PRDM7: variants seen among roughly 807,000 people sequenced by gnomAD.
The protein encoded by PRDM7 is PR/SET domain 7, also known as histone-lysine N-methyltransferase PRDM7.
In PRDM7, 52 loss-of-function variants were observed where a neutral mutation model predicts 64.3. That is an observed-to-expected ratio of 0.81 (90% CI 0.65 to 1.02). PRDM7 has a LOEUF of 1.02. PRDM7 is among the 50% of genes least tolerant of loss of function. PRDM7 has a pLI of 0.00. For missense variants in PRDM7, 574 were observed against 597.1 expected (o/e 0.96, Z 0.40); for synonymous variants, 192 against 210.1 (o/e 0.91, Z 0.74).
chr16:90,063,818 C>G (rs1397849668), intron 5 of PRDM7, 50 bp from the exon 6 acceptor site: 2 of 1,597,480 alleles, frequency 1.3e-6, no homozygotes, highest in South Asian at 1.1e-5. Flanking sequence ...TTATTTAGTT[C>G]TTTACGGCTT....
intron 4 of PRDM7, among the ~76,000 whole-genome samples, chr16:90,068,867 C>G (rs1316061133): frequency 6.6e-6 from 1 of 151,124 alleles, no homozygotes; most frequent in Admixed American, 6.6e-5. Flanking sequence ...TTTAAGGAGA[C>G]ACAAATAGAT....
chr16:90,075,884 C>T lies in PRDM7; in HGVS notation c.27G>A (p.Glu9=). Reference sequence around the variant, plus strand: ...TTCTCTCTGTGTCTCCTTCTGGGCTCTCCTCTTGGGACCTTTCAGGGCTCA... The same window carrying T: ...TTCTCTCTGTGTCTCCTTCTGGGCTTTCCTCTTGGGACCTTTCAGGGCTCA... MSPERSQE[E]SPEGDTERTE... Residue 9 remains glutamate, a synonymous_variant, in exon 2 of 11, where the codon GAG becomes GAA. Coordinates refer to ENST00000449207, the MANE Select transcript of PRDM7 (RefSeq NM_001098173.2). The surrounding 1 kb of genome is among the most constrained non-coding windows in gnomAD (Gnocchi z 4.3). 1 of 1,614,074 alleles carries T rather than the reference C, an allele frequency of 6.2e-7. No individual in the cohort carries two copies. The highest frequency in any genetic ancestry group is 1.1e-5 in the South Asian group (1 of 91,046).
rs1033373292 is a variant in PRDM7, at chr16:90,062,425, C to T, written c.586G>A (p.Glu196Lys). Residue 196 changes from glutamate to lysine, a missense_variant, in exon 7 of 11, where the codon GAG becomes AAG. Glu to Lys is a moderately conservative substitution (Grantham distance 56). Transcript: ENST00000449207. The stretch of plus-strand genomic sequence containing the variant: ...CAGAGGTAGTCATCATCCTGTGGCT[C>T]GCTGATCTCTTTGTATGCATGACCC... ...RKGHAYKEIS[E>K]PQDDDYLYCE... is the part of the protein sequence containing the mutation. 1.5e-5 allele frequency: 24 copies of T among 1,613,974 alleles called. No homozygotes were observed. The highest frequency in any genetic ancestry group is 5.5e-5 in the South Asian group (5 of 91,084).
chr16:90,066,892 G>C lies in PRDM7; in HGVS notation c.320C>G (p.Ala107Gly). 1 of 1,599,486 alleles carries C rather than the reference G, an allele frequency of 6.3e-7. No homozygotes were observed. Among genetic ancestry groups the C allele is most frequent in the South Asian group, 1.1e-5 (1 of 90,914 alleles). Residue 107 changes from alanine (A) to glycine (G), a missense_variant, in exon 5 of 11, where the codon GCC becomes GGC. Transcript: ENST00000449207. ...PRQQVKPPWMAFRGEQSKHQK... is the reference protein window; with the variant it reads ...PRQQVKPPWMGFRGEQSKHQK... ...GTGTTTACTCTGTTCTCCTCTGAAG[G>C]CCATCCAAGGAGGTTTGACTAAGAG... is the stretch of plus-strand genomic sequence containing the variant.
chr16:90,062,551 G>T, intron 6 of PRDM7, 49 bp from the exon 7 acceptor site: 1 of 1,465,234 alleles, frequency 6.8e-7, no homozygotes, highest in Non-Finnish European at 9.6e-7. Flanking sequence ...TGGGGTGTTT[G>T]TCCTTGTTTC....
At chr16:90,061,810 G>C in intron 8 of PRDM7, 111 bp downstream of exon 8, 1 of 1,515,206 alleles carries the variant, frequency 6.6e-7, no homozygotes. Context: ...AGTACACAGA[G>C]CTAACCATGT....
intron 4 of PRDM7, among the ~76,000 whole-genome samples, chr16:90,070,942 C>G (rs2037947446): frequency 6.6e-6 from 1 of 152,156 alleles, no homozygotes; most frequent in African/African-American, 2.4e-5. Flanking sequence ...CATCACTAAT[C>G]ATTAGGGAAA....
At chr16:90,072,119 T>C (rs185896099) in intron 4 of PRDM7, among the ~76,000 whole-genome samples, 1 of 151,764 alleles carries the variant, frequency 6.6e-6, no homozygotes. Context: ...TAGTCCCAGC[T>C]ACTTGGGATG....
At chr16:90,065,485 A>G (rs2037859143) in intron 5 of PRDM7, among the ~76,000 whole-genome samples, 1 of 151,038 alleles carries the variant, frequency 6.6e-6, no homozygotes, top group South Asian at 2.1e-4. Context: ...CTGTAATCCC[A>G]GCACTTTGGG....
At chr16:90,062,575 A>G in intron 6 of PRDM7, 73 bp from the exon 7 acceptor site, 2 of 1,273,250 alleles carry the variant, frequency 1.6e-6, no homozygotes, top group South Asian at 2.4e-5. Flanking sequence ...AGAAAATGTG[A>G]AATCTCCTAC....
chr16:90,066,772 C>G, intron 5 of PRDM7, 89 bp downstream of exon 5: 1 of 1,225,596 alleles, frequency 8.2e-7, no homozygotes, highest in Non-Finnish European at 1.2e-6. Context: ...GGCAGTAGTT[C>G]CTAGGATAGT....
At chr16:90,063,135 T>A (rs2037810329) in intron 6 of PRDM7, among the ~76,000 whole-genome samples, 2 of 152,162 alleles carry the variant, frequency 1.3e-5, no homozygotes, top group South Asian at 4.1e-4. Context: ...AAGTTAATGA[T>A]CTTACATGCT....
In PRDM7 at chr16:90,057,842, T is replaced by A; in HGVS notation, c.*447A>T. On this transcript the variant is annotated 3_prime_UTR_variant, in exon 11 of 11. Coordinates refer to ENST00000449207, the MANE Select transcript of PRDM7 (RefSeq NM_001098173.2). ...TAAGGTTTTATTACTAATGACTTAC[T>A]CATCCTTCCTGCAGACTGGGGCGTC... is the stretch of plus-strand genomic sequence containing the variant. 6.7e-7 allele frequency: 1 copy of A among 1,496,396 alleles called. No homozygotes were observed. 92.7% of individuals were successfully genotyped at this position (1,496,396 alleles called of 1,614,324 possible).
At position 90,057,519 on chromosome 16, in the gene PRDM7, G is replaced by A. The variant is rs2037703544; in HGVS notation, c.*770C>T. Reference sequence around the variant, plus strand: ...TAAGGGAAGAATGAGGTACACACTTGGGGTTCAGATATGTATGGAGACAAA... The same window carrying A: ...TAAGGGAAGAATGAGGTACACACTTAGGGTTCAGATATGTATGGAGACAAA... On this transcript the variant is annotated 3_prime_UTR_variant, in exon 11 of 11. Coordinates refer to ENST00000449207, the MANE Select transcript of PRDM7 (RefSeq NM_001098173.2). 1 of 234,332 alleles carries A rather than the reference G, an allele frequency of 4.3e-6. No individual in the cohort carries two copies. Among genetic ancestry groups the A allele is most frequent in the Non-Finnish European group, 8.2e-6 (1 of 122,126 alleles). 14.5% of individuals were successfully genotyped at this position (234,332 alleles called of 1,614,324 possible).
chr16:90,061,851 G>T, intron 8 of PRDM7, 70 bp downstream of exon 8: 4 of 1,598,066 alleles, frequency 2.5e-6, no homozygotes, highest in Middle Eastern at 1.7e-4. Flanking sequence ...CATGTAGAAG[G>T]TGATGTCCCA....
chr16:90,065,435 A>C (rs2037858188), intron 5 of PRDM7, among the ~76,000 whole-genome samples: 1 of 147,174 alleles, frequency 6.8e-6, no homozygotes, highest in South Asian at 2.1e-4. Context: ...AGAAAAGAAA[A>C]AAATAATTTT....
intron 7 of PRDM7, 47 bp from the exon 8 acceptor site, chr16:90,062,239 C>T: frequency 6.2e-7 from 1 of 1,614,182 alleles, no homozygotes. Flanking sequence ...ATGCATGTTC[C>T]TTGATATAAG....
chr16:90,062,266 T>A (rs745669060), intron 7 of PRDM7, 74 bp from the exon 8 acceptor site: 170 of 1,613,926 alleles, frequency 1.1e-4, no homozygotes, highest in Admixed American at 1.8e-4. Flanking sequence ...AGAAAGAGCG[T>A]GGCACTCACA....
At position 90,058,205 on chromosome 16, in the gene PRDM7, T is replaced by C; in HGVS notation, c.*84A>G. ...GTTCTGGACTCTTCTTCCATCATTC[T>C]TTCTCCCACTCTAGAGCTCCCCATT... is the stretch of plus-strand genomic sequence containing the variant. On this transcript the variant is annotated 3_prime_UTR_variant, in exon 11 of 11. Coordinates refer to ENST00000449207, the MANE Select transcript of PRDM7 (RefSeq NM_001098173.2). The C allele has an allele frequency of 6.2e-7, 1 of 1,614,234 alleles. No homozygotes were observed. The highest frequency in any genetic ancestry group is 1.1e-5 in the South Asian group (1 of 91,092).
Sources: gnomAD v4.1 joint callset for allele counts (sites outside exome capture counted in the v4.1 genomes callset) on GRCh38, gnomAD v4.1.1 for gene constraint, Gnocchi (gnomAD v3.1) non-coding constraint, MANE v1.5 for transcripts, NCBI Gene and HGNC (gene_info 2026-07-23, HGNC 2026-07-21) for gene names.